ST3GAL2: variants seen among roughly 807,000 people sequenced by gnomAD.
The protein encoded by ST3GAL2 is ST3 beta-galactoside alpha-2,3-sialyltransferase 2.
In ST3GAL2, 16 loss-of-function variants were observed where a neutral mutation model predicts 37.5. The observed-to-expected ratio is 0.43, with a 90% CI of 0.29 to 0.65. The LOEUF is 0.65. Ranked by LOEUF, ST3GAL2 falls within the 30% of genes least tolerant of loss-of-function variation. ST3GAL2 has a pLI of 0.17. For missense variants in ST3GAL2, 383 were observed against 487.8 expected, an observed-to-expected ratio of 0.79 and a Z score of 2.02; for synonymous variants, 238 against 202.9, an observed-to-expected ratio of 1.17 and a Z score of -1.47.
chr16:70,388,525 C>T lies in ST3GAL2; in HGVS notation c.555G>A (p.Val185=), dbSNP rs1198992384. The T allele has an allele frequency of 3.1e-6, 5 of 1,602,572 alleles. No individual in the cohort carries two copies. Among genetic ancestry groups the T allele is most frequent in the Non-Finnish European group, 4.3e-6 (5 of 1,172,958 alleles). ...GGCTGCCAACATCCTGCTCAAAGCC[C>T]ACGGTTGGCGCCTGATTCATCCTGC... ...FIMRMNQAPT[V]GFEQDVGSRT... is the part of the protein sequence containing the mutation. The change falls in exon 4 of 7, where the codon GTG becomes GTA. Residue 185 remains valine (V), a synonymous_variant. Coordinates refer to ENST00000342907, the MANE Select transcript of ST3GAL2 (RefSeq NM_006927.4).
chr16:70,376,386 G>A lies in ST3GAL2; in HGVS notation c.*5303C>T, dbSNP rs2047346062. ...CCCTCTGGAGAGAACCAGGCTGCCAGAGAGTCTGTGCTGTTCTCAGCAGCA... is the reference window on the plus strand; with the variant it reads ...CCCTCTGGAGAGAACCAGGCTGCCAAAGAGTCTGTGCTGTTCTCAGCAGCA... On this transcript the variant is annotated 3_prime_UTR_variant, in exon 7 of 7. Transcript: ENST00000342907. 6.6e-6 allele frequency: 1 copy of A among 152,232 alleles called. No homozygotes were observed. Among genetic ancestry groups the A allele is most frequent in the Non-Finnish European group, 1.5e-5 (1 of 68,058 alleles). The allele number at this position is 152,232 out of a possible 1,614,324, so 9.4% of individuals were successfully genotyped here.
intron 1 of ST3GAL2, among the ~76,000 whole-genome samples, chr16:70,402,342 T>C (rs904265596): frequency 7.0e-6 from 1 of 143,278 alleles, no homozygotes; most frequent in Non-Finnish European, 1.5e-5. Context: ...TTGTACCATA[T>C]AGTAAAATGA....
At chr16:70,424,404 C>T (rs777398537) in intron 1 of ST3GAL2, among the ~76,000 whole-genome samples, 4 of 150,816 alleles carry the variant, frequency 2.7e-5, no homozygotes, top group Non-Finnish European at 4.4e-5. Context: ...GAGTTCGAGA[C>T]CAGCCTGACC....
chr16:70,392,690 G>C (rs767930773), intron 3 of ST3GAL2, among the ~76,000 whole-genome samples: 2 of 152,166 alleles, frequency 1.3e-5, no homozygotes, highest in African/African-American at 4.8e-5. Flanking sequence ...CCATCATCTC[G>C]CTGTAACTCA....
At chr16:70,393,056 T>G (rs2151661059) in intron 3 of ST3GAL2, among the ~76,000 whole-genome samples, 1 of 151,866 alleles carries the variant, frequency 6.6e-6, no homozygotes, top group South Asian at 2.1e-4. Flanking sequence ...CCCCCTTCCT[T>G]ACCTGGCCCC....
intron 6 of ST3GAL2, 103 bp from the exon 7 acceptor site, chr16:70,381,965 G>A (rs1273004213): frequency 6.9e-7 from 1 of 1,453,502 alleles, no homozygotes; most frequent in Non-Finnish European, 9.4e-7. Context: ...AGGCCCCGGG[G>A]AGATGCAGGA....
rs189317165 is a variant in ST3GAL2, at chr16:70,389,649, A to G, written c.534-1103T>C. On this transcript the variant is annotated intron_variant, in intron 3 of 6. Coordinates refer to ENST00000342907, the MANE Select transcript of ST3GAL2 (RefSeq NM_006927.4). ...CCAGCTAATTTTTTGTATTTTCAGTAGAGACGGGGTTTCACCCTGATAGCC... is the reference window on the plus strand; with the variant it reads ...CCAGCTAATTTTTTGTATTTTCAGTGGAGACGGGGTTTCACCCTGATAGCC... Among the ~76,000 whole-genome samples the G allele has an allele frequency of 3.3e-3, 499 of 151,922 alleles. 2 individuals carry two copies. Among genetic ancestry groups the G allele is most frequent in the African/African-American group, 0.011 (445 of 41,394 alleles).
At position 70,378,403 on chromosome 16, in the gene ST3GAL2, C is replaced by CAAAAAA. The variant is rs59855741; in HGVS notation, c.*3280_*3285dup. On this transcript the variant is annotated 3_prime_UTR_variant, in exon 7 of 7. Transcript: ENST00000342907. Reference sequence around the variant, plus strand: ...TGGGTGACAGAGCAAGACTCCATCTCAAAAAAAAAAAAAAAAAAAAGCCAG... The same window carrying CAAAAAA: ...TGGGTGACAGAGCAAGACTCCATCTCAAAAAAAAAAAAAAAAAAAAAAAAAAGCCAG... 1 of 39,064 alleles carries CAAAAAA rather than the reference C, an allele frequency of 2.6e-5. No homozygotes were observed. Among genetic ancestry groups the CAAAAAA allele is most frequent in the African/African-American group, 1.0e-4 (1 of 9,706 alleles). 2.4% of individuals were successfully genotyped at this position (39,064 alleles called of 1,614,324 possible). A position where few individuals can be genotyped will look rare whatever the true frequency, so the allele number is the denominator to read the frequency against.
At chr16:70,427,886 C>A (rs2047762612) in intron 1 of ST3GAL2, among the ~76,000 whole-genome samples, 1 of 152,242 alleles carries the variant, frequency 6.6e-6, no homozygotes, top group Non-Finnish European at 1.5e-5. Flanking sequence ...AGCCCCAGAT[C>A]TACTAAACGG....
rs1301493279 is a variant in ST3GAL2, at chr16:70,395,211, G to A, written c.340-36C>T. 4.4e-6 allele frequency: 7 copies of A among 1,573,278 alleles called. No homozygotes were observed. In the South Asian group the frequency reaches 4.6e-5, roughly 10 times the overall value. The stretch of plus-strand genomic sequence containing the variant: ...GAGGGGAAGATGGGAAACGAGGAAG[G>A]GGAGAGGTGTGTGAAGAAGGAGGGG... On this transcript the variant is annotated intron_variant, in intron 2 of 6. Coordinates refer to ENST00000342907, the MANE Select transcript of ST3GAL2 (RefSeq NM_006927.4).
At chr16:70,387,309 C>T (rs924541191) in intron 4 of ST3GAL2, among the ~76,000 whole-genome samples, 3 of 151,854 alleles carry the variant, frequency 2.0e-5, no homozygotes, top group African/African-American at 2.4e-5. Flanking sequence ...AATCTCAACA[C>T]GATGGGAGCC....
At chr16:70,432,661 AC>A (rs1375484233) in intron 1 of ST3GAL2, among the ~76,000 whole-genome samples, 1 of 151,788 alleles carries the variant, frequency 6.6e-6, no homozygotes, top group Admixed American at 6.6e-5. Flanking sequence ...CAAAGTTCAG[AC>A]CCCCCTTCTT....
At chr16:70,421,293 T>C (rs2047712691) in intron 1 of ST3GAL2, among the ~76,000 whole-genome samples, 1 of 152,242 alleles carries the variant, frequency 6.6e-6, no homozygotes, top group Non-Finnish European at 1.5e-5. Context: ...ATATCGCTGC[T>C]GTGAGTAGGC....
At chr16:70,415,406 C>G (rs969302130) in intron 1 of ST3GAL2, among the ~76,000 whole-genome samples, 2 of 152,188 alleles carry the variant, frequency 1.3e-5, no homozygotes. Context: ...TCACAAGAAA[C>G]GGATAAACCT....
chr16:70,382,663 T>C (rs1433964915), intron 6 of ST3GAL2, 142 bp downstream of exon 6: 28 of 1,269,742 alleles, frequency 2.2e-5, no homozygotes, highest in Non-Finnish European at 2.7e-5. Context: ...ATCTATACTT[T>C]ACAGCCTAGA....
At position 70,376,925 on chromosome 16, in the gene ST3GAL2, T is replaced by C. The variant is rs1174479620; in HGVS notation, c.*4764A>G. The C allele has an allele frequency of 6.6e-6, 1 of 151,936 alleles. No individual in the cohort carries two copies. The highest frequency in any genetic ancestry group is 1.5e-5 in the Non-Finnish European group (1 of 68,004). The allele number at this position is 151,936 out of a possible 1,614,324, so 9.4% of individuals were successfully genotyped here. A position where few individuals can be genotyped will look rare whatever the true frequency, so the allele number is the denominator to read the frequency against. The stretch of plus-strand genomic sequence containing the variant: ...CCTGGCCAATTTTTTGTATTTTTAG[T>C]AGAGACGGGGTTTCACCATCTTGGC... On this transcript the variant is annotated 3_prime_UTR_variant, in exon 7 of 7. Transcript: ENST00000342907.
Position 70,383,299 on chromosome 16 carries a change from C to T in ST3GAL2, c.714-64G>A, listed in dbSNP as rs571427539. ...GGCACGGTGGCTCACACCTGTAATCCCAGCACTTTGGGAGGCTGAGGCAGG... is the reference window on the plus strand; with the variant it reads ...GGCACGGTGGCTCACACCTGTAATCTCAGCACTTTGGGAGGCTGAGGCAGG... On this transcript the variant is annotated intron_variant, in intron 4 of 6. Transcript: ENST00000342907. 8 of 1,511,070 alleles carry T rather than the reference C, an allele frequency of 5.3e-6. No individual in the cohort carries two copies. The African/African-American group carries it at 1.1e-4, about 21-fold the overall frequency. The allele number at this position is 1,511,070 out of a possible 1,614,324, so 93.6% of individuals were successfully genotyped here. A position where few individuals can be genotyped will look rare whatever the true frequency, so the allele number is the denominator to read the frequency against.
At chr16:70,406,028 T>G (rs1461705383) in intron 1 of ST3GAL2, among the ~76,000 whole-genome samples, 1 of 149,286 alleles carries the variant, frequency 6.7e-6, no homozygotes, top group African/African-American at 2.5e-5. Context: ...GCCACTGCAC[T>G]CCGGCCTGGG....
intron 1 of ST3GAL2, chr16:70,399,781 T>G (rs559592142): frequency 4.5e-6 from 1 of 222,736 alleles, no homozygotes. Context: ...GTCAAGTGAT[T>G]TTCCCTAAGC....
Sources: gnomAD v4.1 joint callset for allele counts (sites outside exome capture counted in the v4.1 genomes callset) on GRCh38, gnomAD v4.1.1 for gene constraint, MANE v1.5 for transcripts, NCBI Gene and HGNC (gene_info 2026-07-23, HGNC 2026-07-21) for gene names.